ITGA4: variants seen among roughly 807,000 people sequenced by gnomAD.
ITGA4 encodes integrin subunit alpha 4.
Under a neutral mutation model 133.6 loss-of-function variants are expected in ITGA4, and 63 were observed. The observed-to-expected ratio is 0.47, with a 90% CI of 0.38 to 0.58. The LOEUF (loss-of-function observed/expected upper bound fraction) is 0.58, where lower values mean the gene tolerates loss of function less well. Among genes scored for constraint, ITGA4 ranks in the 20% least tolerant of loss-of-function variants. The probability of loss-of-function intolerance (pLI) is 0.00; values close to 1 mark genes in which losing one functional copy is unlikely to be tolerated. For missense variants in ITGA4, 1,076 were observed against 1,252.7 expected, an observed-to-expected ratio of 0.86 and a Z score of 2.13; for synonymous variants, 483 against 438.0, an observed-to-expected ratio of 1.10 and a Z score of -1.28.
intron 2 of ITGA4, among the ~76,000 whole-genome samples, chr2:181,472,874 C>A (rs1313354733): frequency 6.6e-6 from 1 of 152,070 alleles, no homozygotes; most frequent in Non-Finnish European, 1.5e-5. Context: ...ACACGGAGAC[C>A]TTATGTGTCC....
rs1437440750 is a variant in ITGA4, at chr2:181,490,467, T to A, written c.1154-2858T>A. Among the ~76,000 whole-genome samples, 6 of 137,192 alleles carry A rather than the reference T, an allele frequency of 4.4e-5. No individual in the cohort carries two copies. The East Asian group carries it at 6.4e-4, about 15-fold the overall frequency. The allele number at this position is 137,192 out of a possible 152,430, so 90.0% of individuals were successfully genotyped here. ...AATACATGATTTCATTTTTTTTTTT[T>A]ATGGCTGAATAGTATTCGTGTGTGT... On this transcript the variant is annotated intron_variant, in intron 10 of 27. Coordinates refer to ENST00000397033, the MANE Select transcript of ITGA4 (RefSeq NM_000885.6).
chr2:181,537,486 A>T lies in ITGA4; in HGVS notation c.*1959A>T, dbSNP rs757221301. The T allele has an allele frequency of 2.6e-5, 12 of 452,986 alleles. No individual in the cohort carries two copies. Among genetic ancestry groups the T allele is most frequent in the South Asian group, 1.9e-4 (12 of 64,440 alleles). The allele number at this position is 452,986 out of a possible 1,614,324, so 28.1% of individuals were successfully genotyped here. A position where few individuals can be genotyped will look rare whatever the true frequency, so the allele number is the denominator to read the frequency against. On this transcript the variant is annotated 3_prime_UTR_variant, in exon 28 of 28. Transcript: ENST00000397033. ...CACTTTAAGAAGACAGGGATGGGTT[A>T]TTCTTTTTTGGCAGGTAGGCTATAT...
intron 9 of ITGA4, among the ~76,000 whole-genome samples, chr2:181,483,328 C>T (rs1052518125): frequency 6.6e-6 from 1 of 152,120 alleles, no homozygotes; most frequent in Non-Finnish European, 1.5e-5. Context: ...AGATTCTTGG[C>T]GTTAAGTCAA....
intron 20 of ITGA4, 67 bp from the exon 21 acceptor site, chr2:181,525,135 G>A: frequency 2.3e-6 from 2 of 870,570 alleles, no homozygotes; most frequent in Non-Finnish European, 2.0e-6. Context: ...TACAGGGTAT[G>A]TAATTAGTTC....
chr2:181,468,741 CTG>C (rs1237452443), intron 2 of ITGA4, among the ~76,000 whole-genome samples: 2 of 151,944 alleles, frequency 1.3e-5, no homozygotes, highest in African/African-American at 2.4e-5. Context: ...AAGAAATAAA[CTG>C]TAGTAAGCAT....
At chr2:181,475,694 C>T (rs1017081316) in intron 4 of ITGA4, 3 of 1,217,290 alleles carry the variant, frequency 2.5e-6, no homozygotes, top group Admixed American at 5.7e-5. Flanking sequence ...GAAGAATAAT[C>T]AGTGTAAGCA....
At chr2:181,486,193 A>G (rs1559043883) in intron 10 of ITGA4, 3 of 529,520 alleles carry the variant, frequency 5.7e-6, no homozygotes, top group Admixed American at 8.5e-5. Context: ...TTAATAATGG[A>G]TGATATTCAA....
Position 181,534,299 on chromosome 2 carries a change from A to G in ITGA4, c.2812A>G (p.Ile938Val). ...MDETSALKFE[I>V]RATGFPEPNP... is the part of the protein sequence containing the mutation. ...TGAGACTTCAGCACTCAAGTTTGAA[A>G]TAAGAGCAACAGGTTTTCCAGAGCC... is the stretch of plus-strand genomic sequence containing the variant. Residue 938 changes from isoleucine to valine, a missense_variant, in exon 26 of 28, where the codon ATA becomes GTA. Physicochemically the swap from Ile to Val is conservative, Grantham distance 29. Coordinates refer to ENST00000397033, the MANE Select transcript of ITGA4 (RefSeq NM_000885.6). 6.2e-7 allele frequency: 1 copy of G among 1,610,240 alleles called. No homozygotes were observed. Among genetic ancestry groups the G allele is most frequent in the African/African-American group, 1.3e-5 (1 of 74,946 alleles).
intron 15 of ITGA4, among the ~76,000 whole-genome samples, chr2:181,506,882 A>G (rs1003934907): frequency 3.3e-5 from 5 of 152,222 alleles, no homozygotes; most frequent in Middle Eastern, 3.4e-3. Flanking sequence ...ATTACTTAGT[A>G]GGAGGTCTGT....
chr2:181,497,798 T>A (rs1389307508), intron 14 of ITGA4, among the ~76,000 whole-genome samples: 2 of 152,150 alleles, frequency 1.3e-5, no homozygotes, highest in Non-Finnish European at 2.9e-5. Flanking sequence ...GGCAAAGAAC[T>A]CATTTAGATT....
intron 2 of ITGA4, among the ~76,000 whole-genome samples, chr2:181,469,074 A>G (rs1685486793): frequency 6.6e-6 from 1 of 152,216 alleles, no homozygotes; most frequent in South Asian, 2.1e-4. Context: ...ATTTGGATAA[A>G]ATATAATCTG....
intron 2 of ITGA4, chr2:181,459,102 A>G (rs1440448145): frequency 6.6e-6 from 1 of 152,228 alleles, no homozygotes; most frequent in African/African-American, 2.4e-5. Flanking sequence ...TATATTGCTT[A>G]ACTTTTTTCC....
At chr2:181,527,590 C>A in intron 22 of ITGA4, 1 of 490,848 alleles carries the variant, frequency 2.0e-6, no homozygotes, top group Non-Finnish European at 3.7e-6. Flanking sequence ...ATATTCAAGC[C>A]CATATTTCCT....
intron 22 of ITGA4, among the ~76,000 whole-genome samples, chr2:181,527,773 C>T (rs1458453879): frequency 6.6e-6 from 1 of 152,164 alleles, no homozygotes; most frequent in Non-Finnish European, 1.5e-5. Flanking sequence ...GTATAAAAAC[C>T]TCAGCACTAC....
rs1253788591 is a variant in ITGA4 at position 181,535,574 on chromosome 2, TAAAGA to T, written c.*50_*54del. ...AATGGAAAACAGACTCAGGTTGTAGTAAAGAAATTTAAAAGACACTGTTTACAAGA... is the reference window on the plus strand; with the variant it reads ...AATGGAAAACAGACTCAGGTTGTAGTAATTTAAAAGACACTGTTTACAAGA... On this transcript the variant is annotated 3_prime_UTR_variant, in exon 28 of 28. Coordinates refer to ENST00000397033, the MANE Select transcript of ITGA4 (RefSeq NM_000885.6). 1 of 1,540,088 alleles carries T rather than the reference TAAAGA, an allele frequency of 6.5e-7. No homozygotes were observed. The highest frequency in any genetic ancestry group is 1.3e-5 in the South Asian group (1 of 76,806).
chr2:181,524,021 A>G (rs1284466540), intron 19 of ITGA4, 150 bp from the exon 20 acceptor site: 5 of 589,680 alleles, frequency 8.5e-6, no homozygotes, highest in Non-Finnish European at 1.5e-5. Flanking sequence ...AACTTCCCTG[A>G]ATCTTATTGC....
At chr2:181,532,674 A>G (rs2368212) in intron 25 of ITGA4, among the ~76,000 whole-genome samples, 107,145 of 152,038 alleles carry the variant, frequency 0.7, 38,137 homozygotes, top group South Asian at 0.89. Context: ...TTCTAAATAT[A>G]CAATCATGTC....
intron 2 of ITGA4, among the ~76,000 whole-genome samples, chr2:181,463,590 A>G (rs1685340082): frequency 1.3e-5 from 2 of 152,110 alleles, no homozygotes; most frequent in South Asian, 4.1e-4. Flanking sequence ...TGAAGTTTCT[A>G]ATTTGGGCTG....
intron 11 of ITGA4, 107 bp from the exon 12 acceptor site, chr2:181,494,615 G>A (rs1686122843): frequency 1.4e-6 from 1 of 700,728 alleles, no homozygotes; most frequent in African/African-American, 1.8e-5. Flanking sequence ...TTTGTTAGTA[G>A]ATGTGCCAAG....
Sources: allele counts gnomAD v4.1 joint callset (sites outside exome capture counted in the v4.1 genomes callset), GRCh38; gene constraint gnomAD v4.1.1; transcripts MANE v1.5; gene names NCBI Gene and HGNC (gene_info 2026-07-23, HGNC 2026-07-21).